Variants in FNDC3B observed in about 807,000 individuals in gnomAD.
FNDC3B encodes fibronectin type III domain containing 3B, also known as fibronectin type III domain-containing protein 3B.
In FNDC3B, 12 loss-of-function variants were observed where a neutral mutation model predicts 151.5. The ratio of observed to expected loss-of-function variants is 0.08; its 90% CI spans 0.05 to 0.13. FNDC3B has a LOEUF of 0.13. Ranked by LOEUF, FNDC3B falls within the 10% of genes least tolerant of loss-of-function variation. The pLI is 1.00. For synonymous variants in FNDC3B, 528 were observed against 549.0 expected, an observed-to-expected ratio of 0.96 and a Z score of 0.54; for missense variants, 1,214 against 1,505.3, an observed-to-expected ratio of 0.81 and a Z score of 3.20.
At chr3:172,240,018 G>A (rs968697249) in intron 4 of FNDC3B, among the ~76,000 whole-genome samples, 7 of 151,606 alleles carry the variant, frequency 4.6e-5, no homozygotes, top group African/African-American at 9.7e-5. Context: ...ACAGGCTCCC[G>A]CCACCATGCC....
chr3:172,235,555 T>G (rs1163852121), intron 4 of FNDC3B, among the ~76,000 whole-genome samples: 2 of 152,190 alleles, frequency 1.3e-5, no homozygotes, highest in Non-Finnish European at 2.9e-5. Flanking sequence ...ATGTCTAATC[T>G]CATAATCTGA....
intron 3 of FNDC3B, among the ~76,000 whole-genome samples, chr3:172,223,531 AATGACTTTAAC>A (rs1329803890): frequency 6.6e-6 from 1 of 152,212 alleles, no homozygotes; most frequent in African/African-American, 2.4e-5. Flanking sequence ...ATTTTACACA[AATGACTTTAAC>A]AGTTTTAGGG....
At chr3:172,229,453 CT>C (rs145117275) in intron 4 of FNDC3B, among the ~76,000 whole-genome samples, 4,558 of 152,292 alleles carry the variant, frequency 0.03, 86 homozygotes, top group Non-Finnish European at 0.036. Context: ...TTATTTCCCC[CT>C]GTCTGGAATA....
chr3:172,135,480 A>G (rs1010854084), intron 3 of FNDC3B, among the ~76,000 whole-genome samples: 12 of 152,220 alleles, frequency 7.9e-5, no homozygotes, highest in Non-Finnish European at 1.5e-4. Flanking sequence ...AGTGATTTCA[A>G]AAATGCCTTT....
At chr3:172,225,385 C>T (rs1726510649) in intron 3 of FNDC3B, 1 of 197,932 alleles carries the variant, frequency 5.1e-6, no homozygotes, top group South Asian at 9.9e-5. Flanking sequence ...GTTGCCCAGG[C>T]TGGTCTCAAA....
Position 172,399,997 on chromosome 3 carries a change from A to T in FNDC3B, c.*2522A>T, listed in dbSNP as rs550457278. 1 of 152,676 alleles carries T rather than the reference A, an allele frequency of 6.5e-6. No homozygotes were observed. Among genetic ancestry groups the T allele is most frequent in the Non-Finnish European group, 1.5e-5 (1 of 68,058 alleles). The allele number at this position is 152,676 out of a possible 1,614,324, so 9.5% of individuals were successfully genotyped here. A position where few individuals can be genotyped will look rare whatever the true frequency, so the allele number is the denominator to read the frequency against. ...TGCTCTCCATTATTTGGTATTCATT[A>T]TATTCCTTCAGTCAGAAAATTATTA... On this transcript the variant is annotated 3_prime_UTR_variant, in exon 26 of 26. Transcript: ENST00000415807.
chr3:172,141,816 A>G (rs1042090708), intron 3 of FNDC3B, among the ~76,000 whole-genome samples: 1 of 151,852 alleles, frequency 6.6e-6, no homozygotes, highest in Non-Finnish European at 1.5e-5. Flanking sequence ...GTGCCATTGC[A>G]CTCCAGCCTG....
chr3:172,111,553 A>G (rs1363143966), intron 1 of FNDC3B, among the ~76,000 whole-genome samples: 1 of 152,208 alleles, frequency 6.6e-6, no homozygotes, highest in African/African-American at 2.4e-5. Flanking sequence ...TATTTAAAGT[A>G]AAAAAGTTTA....
chr3:172,093,611 G>C (rs1273150537), intron 1 of FNDC3B, among the ~76,000 whole-genome samples: 1 of 151,780 alleles, frequency 6.6e-6, no homozygotes, highest in Non-Finnish European at 1.5e-5. Context: ...GTCGCCCAGG[G>C]TGGTCTCGAA....
chr3:172,118,893 G>A (rs1383668230), intron 2 of FNDC3B, among the ~76,000 whole-genome samples: 1 of 151,998 alleles, frequency 6.6e-6, no homozygotes, highest in African/African-American at 2.4e-5. Context: ...GGATAGGCTG[G>A]CATGTTGGCT....
intron 23 of FNDC3B, among the ~76,000 whole-genome samples, chr3:172,365,065 T>A (rs760076857): frequency 5.9e-5 from 9 of 152,234 alleles, no homozygotes; most frequent in South Asian, 2.1e-4. Context: ...TGAACTCTTG[T>A]AGTGAGTGGC....
At chr3:172,047,930 C>G (rs1164159647) in intron 1 of FNDC3B, among the ~76,000 whole-genome samples, 1 of 152,104 alleles carries the variant, frequency 6.6e-6, no homozygotes, top group East Asian at 1.9e-4. Context: ...TTGCTTTTAG[C>G]TTCATTTCTT....
rs188105622 is a variant in FNDC3B at position 172,358,031 on chromosome 3, G to A, written c.2796-4602G>A. On this transcript the variant is annotated intron_variant, in intron 22 of 25. Transcript: ENST00000415807. ...TGAATTAAAAATGGTCATTTGGTAG[G>A]ATTTGTAACCATATTTGGCCCCTGT... Among the ~76,000 whole-genome samples, 600 of 152,270 alleles carry A rather than the reference G, an allele frequency of 3.9e-3. 4 individuals are homozygous for A. The highest frequency in any genetic ancestry group is 0.012 in the South Asian group (57 of 4,826).
At chr3:172,339,369 T>C (rs1305065637) in intron 16 of FNDC3B, among the ~76,000 whole-genome samples, 3 of 152,078 alleles carry the variant, frequency 2.0e-5, no homozygotes, top group Non-Finnish European at 4.4e-5. Flanking sequence ...GAGACCAGCC[T>C]GGCCAACATG....
intron 25 of FNDC3B, among the ~76,000 whole-genome samples, chr3:172,389,495 G>T (rs1440795464): frequency 3.3e-5 from 5 of 152,110 alleles, no homozygotes; most frequent in Admixed American, 2.0e-4. Context: ...TTAATATTTG[G>T]ATCACTTTAA....
chr3:172,066,289 T>C (rs578196513), intron 1 of FNDC3B, among the ~76,000 whole-genome samples: 1 of 152,290 alleles, frequency 6.6e-6, no homozygotes, highest in South Asian at 2.1e-4. Context: ...TAACACCAAG[T>C]TTTGCCATTT....
At chr3:172,338,930 G>T (rs955204572) in intron 16 of FNDC3B, among the ~76,000 whole-genome samples, 1 of 151,776 alleles carries the variant, frequency 6.6e-6, no homozygotes, top group Non-Finnish European at 1.5e-5. Context: ...GTAGAGACGG[G>T]GTTTCACCGT....
In FNDC3B at chr3:172,226,922, A is replaced by G; in HGVS notation, c.239A>G (p.His80Arg). The part of the protein sequence containing the change: ...MSPNGSIPPI[H>R]VPPGYISQVI... ...CCCAATGGATCCATTCCTCCCATTC[A>G]TGTGCCTCCAGGTTATATCTCACAG... The change falls in exon 4 of 26, where the codon CAT (histidine) becomes CGT (arginine). Residue 80 changes from histidine (H) to arginine (R), a missense_variant. By Grantham distance (29) the His-to-Arg change is conservative. Transcript: ENST00000415807. The G allele has an allele frequency of 6.2e-7, 1 of 1,612,230 alleles. No homozygotes were observed. The highest frequency in any genetic ancestry group is 8.5e-7 in the Non-Finnish European group (1 of 1,178,248).
In FNDC3B at chr3:172,397,463, C is replaced by T. The variant is rs1056387894; in HGVS notation, c.3603C>T (p.Phe1201=). 6.3e-7 allele frequency: 1 copy of T among 1,594,274 alleles called. No individual in the cohort carries two copies. The highest frequency in any genetic ancestry group is 8.5e-7 in the Non-Finnish European group (1 of 1,170,776). Residue 1201 remains phenylalanine (F), a synonymous_variant, in exon 26 of 26, where the codon TTC becomes TTT. Coordinates refer to ENST00000415807, the MANE Select transcript of FNDC3B (RefSeq NM_022763.4). ...SILFAFILQY[F]LMK ...TATTTGCCTTTATATTACAGTACTT[C>T]TTAATGAAGTAAACCCAACAAAACT...
Sources: gnomAD v4.1 joint callset for allele counts (sites outside exome capture counted in the v4.1 genomes callset) on GRCh38, gnomAD v4.1.1 for gene constraint, MANE v1.5 for transcripts, NCBI Gene and HGNC (gene_info 2026-07-23, HGNC 2026-07-21) for gene names.